PRDM15: variants seen among roughly 807,000 people sequenced by gnomAD.
PRDM15 encodes the protein PR domain zinc finger protein 15.
PRDM15 carries 64 observed loss-of-function variants against 128.6 expected under a neutral mutation model. The observed-to-expected ratio is 0.50, with a 90% CI of 0.41 to 0.61. The LOEUF is 0.61. Among genes scored for constraint, PRDM15 ranks in the 20% least tolerant of loss-of-function variants. The probability of loss-of-function intolerance (pLI) is 0.00; values close to 1 mark genes in which losing one functional copy is unlikely to be tolerated. For synonymous variants in PRDM15, 615 were observed against 621.8 expected, an observed-to-expected ratio of 0.99 and a Z score of 0.16; for missense variants, 1,242 against 1,569.1, an observed-to-expected ratio of 0.79 and a Z score of 3.52.
At chr21:41,870,346 G>C (rs2064167167) in intron 1 of PRDM15, among the ~76,000 whole-genome samples, 1 of 152,078 alleles carries the variant, frequency 6.6e-6, no homozygotes. Context: ...ATTTGGACCA[G>C]GCACATCTCA....
intron 1 of PRDM15, chr21:41,878,598 T>G: frequency 3.2e-6 from 2 of 627,814 alleles, no homozygotes; most frequent in Middle Eastern, 2.9e-4. Context: ...CCACCCCGGG[T>G]AGGCACGCGT....
intron 7 of PRDM15, among the ~76,000 whole-genome samples, 180 bp downstream of exon 7, chr21:41,839,443 G>A (rs1415784616): frequency 6.6e-6 from 1 of 152,220 alleles, no homozygotes; most frequent in Non-Finnish European, 1.5e-5. Context: ...GTATTACATG[G>A]AAATTGTACT....
In PRDM15 at chr21:41,872,244, A is replaced by G. The variant is rs561591723; in HGVS notation, c.-10+7026T>C. Among the ~76,000 whole-genome samples, 128 of 152,206 alleles carry G rather than the reference A, an allele frequency of 8.4e-4. 1 individual carries two copies. Among genetic ancestry groups the G allele is most frequent in the African/African-American group, 2.9e-3 (121 of 41,524 alleles). On this transcript the variant is annotated intron_variant, in intron 1 of 23. Transcript: ENST00000398548. ...GCCTCTTTCTGCTGTATCTGATTCT[A>G]CATCTCAAAATAACATGCTTCTCTG...
rs2062574183 is a variant in PRDM15 at position 41,828,957 on chromosome 21, CA to C, written c.1367-625del. ...CCCCACACAAATACACAATCACACA[CA>C]CCACATACACACACCACGCACACAT... On this transcript the variant is annotated intron_variant, in intron 11 of 23. Transcript: ENST00000398548. This position sits in a 1 kb window ranked among gnomAD's most constrained non-coding sequence, Gnocchi z 5.7. Among the ~76,000 whole-genome samples the C allele has an allele frequency of 7.0e-6, 1 of 143,242 alleles. No individual in the cohort carries two copies. The highest frequency in any genetic ancestry group is 2.8e-5 in the African/African-American group (1 of 35,206). The allele number at this position is 143,242 out of a possible 152,430, so 94.0% of individuals were successfully genotyped here.
chr21:41,853,042 G>A (rs1676934844), intron 5 of PRDM15, among the ~76,000 whole-genome samples: 1 of 152,194 alleles, frequency 6.6e-6, no homozygotes, highest in African/African-American at 2.4e-5. Flanking sequence ...GAGAGTCCCG[G>A]GACAGATTCT....
At position 41,810,010 on chromosome 21, in the gene PRDM15, G is replaced by T; in HGVS notation, c.2652+144C>A. The T allele has an allele frequency of 1.3e-6, 1 of 758,886 alleles. No homozygotes were observed. Among genetic ancestry groups the T allele is most frequent in the Non-Finnish European group, 2.1e-6 (1 of 479,386 alleles). 47.0% of individuals were successfully genotyped at this position (758,886 alleles called of 1,614,324 possible). A position where few individuals can be genotyped will look rare whatever the true frequency, so the allele number is the denominator to read the frequency against. On this transcript the variant is annotated intron_variant, in intron 21 of 23. Transcript: ENST00000398548. This position sits in a 1 kb window ranked among gnomAD's most constrained non-coding sequence, Gnocchi z 6.4. ...CTCAGTGCCTCCTGTGTGGCAGGCA[G>T]TGCCAGTCACAGACGCACCTAAGAC...
Position 41,810,979 on chromosome 21 carries a change from G to A in PRDM15, c.2393-143C>T, listed in dbSNP as rs1043045751. Reference sequence around the variant, plus strand: ...TGCAAGAAGACAGCAGACAATGAACGCTCATCCCCAGCCTCGGCCAGCAAA... The same window carrying A: ...TGCAAGAAGACAGCAGACAATGAACACTCATCCCCAGCCTCGGCCAGCAAA... On this transcript the variant is annotated intron_variant, in intron 19 of 23. Coordinates refer to ENST00000398548, the MANE Select transcript of PRDM15 (RefSeq NM_001040424.3). The surrounding 1 kb of genome is among the most constrained non-coding windows in gnomAD (Gnocchi z 6.4). 6 of 689,598 alleles carry A rather than the reference G, an allele frequency of 8.7e-6. No individual in the cohort carries two copies. Among genetic ancestry groups the A allele is most frequent in the Admixed American group, 2.2e-5 (1 of 44,668 alleles). The allele number at this position is 689,598 out of a possible 1,614,324, so 42.7% of individuals were successfully genotyped here.
intron 16 of PRDM15, 122 bp from the exon 17 acceptor site, chr21:41,820,296 A>G: frequency 1.4e-6 from 1 of 721,458 alleles, no homozygotes; most frequent in Non-Finnish European, 2.4e-6. Flanking sequence ...GGATGATAAA[A>G]GAAGCAGATA....
rs190335197 is a variant in PRDM15 at position 41,878,334 on chromosome 21, G to A, written c.-10+936C>T. Among the ~76,000 whole-genome samples the A allele has an allele frequency of 2.5e-3, 381 of 152,308 alleles. 2 individuals are homozygous for A. Among genetic ancestry groups the A allele is most frequent in the African/African-American group, 9.0e-3 (373 of 41,560 alleles). On this transcript the variant is annotated intron_variant, in intron 1 of 23. Transcript: ENST00000398548. ...CCCTTTGGGGACTTGGGGGTGAGGGGCAATTTCTGAGCATTTGTGGGGGAA... is the reference window on the plus strand; with the variant it reads ...CCCTTTGGGGACTTGGGGGTGAGGGACAATTTCTGAGCATTTGTGGGGGAA...
rs1459756486 is a variant in PRDM15 at position 41,800,528 on chromosome 21, CTA to C, written c.*710_*711del. 1.3e-5 allele frequency: 2 copies of C among 152,094 alleles called. No individual in the cohort carries two copies. Among genetic ancestry groups the C allele is most frequent in the African/African-American group, 4.8e-5 (2 of 41,386 alleles). The allele number at this position is 152,094 out of a possible 1,614,324, so 9.4% of individuals were successfully genotyped here. On this transcript the variant is annotated 3_prime_UTR_variant, in exon 24 of 24. Coordinates refer to ENST00000398548, the MANE Select transcript of PRDM15 (RefSeq NM_001040424.3). ...TTAAAAAAAAAAAAGGAAAAAAACT[CTA>C]TTGGAAATCGATTCATGGATATTAC...
At position 41,798,493 on chromosome 21, in the gene PRDM15, T is replaced by C. The variant is rs563644944; in HGVS notation, c.*2747A>G. On this transcript the variant is annotated 3_prime_UTR_variant, in exon 24 of 24. Transcript: ENST00000398548. The stretch of plus-strand genomic sequence containing the variant: ...CGAGGCGGCACTTGGCACAGAACGT[T>C]TTCCTGAGAACACGTCACACGCTAG... 21 of 152,392 alleles carry C rather than the reference T, an allele frequency of 1.4e-4. No homozygotes were observed. Among genetic ancestry groups the C allele is most frequent in the African/African-American group, 4.3e-4 (18 of 41,556 alleles). The allele number at this position is 152,392 out of a possible 1,614,324, so 9.4% of individuals were successfully genotyped here.
intron 13 of PRDM15, among the ~76,000 whole-genome samples, chr21:41,824,186 A>G (rs1263959189): frequency 6.6e-6 from 1 of 152,124 alleles, no homozygotes; most frequent in African/African-American, 2.4e-5. Flanking sequence ...TGTCAAGAAG[A>G]GAACAGATGA....
chr21:41,867,874 T>C (rs889868422), intron 1 of PRDM15, among the ~76,000 whole-genome samples: 11 of 152,086 alleles, frequency 7.2e-5, no homozygotes, highest in Middle Eastern at 3.4e-3. Flanking sequence ...CTGGCCAACA[T>C]GGCAAAACCC....
chr21:41,829,430 CAGA>C (rs2062604595), intron 11 of PRDM15, among the ~76,000 whole-genome samples: 1 of 151,940 alleles, frequency 6.6e-6, no homozygotes, highest in African/African-American at 2.4e-5. Flanking sequence ...ACACCACACA[CAGA>C]AGCCACAAAT....
chr21:41,806,010 C>CACCATCACT (rs1409932415), intron 21 of PRDM15, among the ~76,000 whole-genome samples: 3 of 89,772 alleles, frequency 3.3e-5, no homozygotes, highest in East Asian at 4.9e-4. Context: ...CCACCATCAC[C>CACCATCACT]ACCACCATCA....
In PRDM15 at chr21:41,810,418, T is replaced by C. The variant is rs1253672914; in HGVS notation, c.2477-89A>G. The C allele has an allele frequency of 1.4e-6, 2 of 1,446,238 alleles. No homozygotes were observed. Among genetic ancestry groups the C allele is most frequent in the Admixed American group, 2.0e-5 (1 of 50,060 alleles). 89.6% of individuals were successfully genotyped at this position (1,446,238 alleles called of 1,614,324 possible). On this transcript the variant is annotated intron_variant, in intron 20 of 23. Transcript: ENST00000398548. The surrounding 1 kb of genome is among the most constrained non-coding windows in gnomAD (Gnocchi z 6.4). ...AGCCATCCCAATGACCCTGGCCTGC[T>C]GGACGAGGCAAGAAGCCTGTCACGC...
In PRDM15 at chr21:41,879,042, A is replaced by C; in HGVS notation, c.-10+228T>G. 8.9e-7 allele frequency: 1 copy of C among 1,117,350 alleles called. No individual in the cohort carries two copies. The highest frequency in any genetic ancestry group is 1.1e-6 in the Non-Finnish European group (1 of 891,958). The allele number at this position is 1,117,350 out of a possible 1,614,324, so 69.2% of individuals were successfully genotyped here. A position where few individuals can be genotyped will look rare whatever the true frequency, so the allele number is the denominator to read the frequency against. On this transcript the variant is annotated intron_variant, in intron 1 of 23. Transcript: ENST00000398548. The surrounding 1 kb of genome is among the most constrained non-coding windows in gnomAD (Gnocchi z 5.1). Reference sequence around the variant, plus strand: ...GGGCGATCCCGGAGCGGCTCCGGGAAATCCAGCCGGGTTTTGACTCCGATC... The same window carrying C: ...GGGCGATCCCGGAGCGGCTCCGGGACATCCAGCCGGGTTTTGACTCCGATC...
Position 41,815,844 on chromosome 21 carries a change from G to C in PRDM15, c.2261-8C>G. The C allele has an allele frequency of 6.2e-7, 1 of 1,612,540 alleles. No individual in the cohort carries two copies. The highest frequency in any genetic ancestry group is 8.5e-7 in the Non-Finnish European group (1 of 1,179,792). On this transcript the variant is annotated splice_polypyrimidine_tract_variant and splice_region_variant and intron_variant, in intron 18 of 23. Transcript: ENST00000398548. Reference sequence around the variant, plus strand: ...CGTGCTTGGTCTTCATGCCTTCAAGGACACAGCGAGTCAGAGGCGGCCACA... The same window carrying C: ...CGTGCTTGGTCTTCATGCCTTCAAGCACACAGCGAGTCAGAGGCGGCCACA...
In PRDM15 at chr21:41,821,983, T is replaced by G. The variant is rs1374431762; in HGVS notation, c.1816A>C (p.Ile606Leu). The change falls in exon 15 of 24, where the codon ATC (isoleucine) becomes CTC (leucine). Residue 606 changes from isoleucine to leucine, a missense_variant. Transcript: ENST00000398548. The surrounding 1 kb of genome is among the most constrained non-coding windows in gnomAD (Gnocchi z 5.4). ...TTGTCATCGTTTTCTTCCGAGGAGA[T>G]CCCGATCTTGCCGATAAACTCTTCC... ...QREEFIGKIG[I>L]SSEENDDNSD... is the part of the protein sequence containing the mutation. 3 of 1,614,196 alleles carry G rather than the reference T, an allele frequency of 1.9e-6. No homozygotes were observed. The Admixed American group carries it at 5.0e-5, about 27-fold the overall frequency.
Sources: allele counts gnomAD v4.1 joint callset (sites outside exome capture counted in the v4.1 genomes callset), GRCh38; gene constraint gnomAD v4.1.1; non-coding constraint Gnocchi (gnomAD v3.1); transcripts MANE v1.5; gene names NCBI Gene and HGNC (gene_info 2026-07-23, HGNC 2026-07-21).